Variants in STPG2 observed in about 807,000 individuals in gnomAD.
The protein encoded by STPG2 is sperm-tail PG-rich repeat-containing protein 2.
STPG2 carries 56 observed loss-of-function variants against 54.2 expected under a neutral mutation model. That is an observed-to-expected ratio of 1.03 (90% CI 0.83 to 1.29). STPG2 has a LOEUF of 1.29. STPG2 is among the 50% of genes most tolerant of loss of function. The probability of loss-of-function intolerance (pLI) is 0.00; values close to 1 mark genes in which losing one functional copy is unlikely to be tolerated. For synonymous variants in STPG2, 200 were observed against 181.8 expected, an observed-to-expected ratio of 1.10 and a Z score of -0.81; for missense variants, 596 against 544.9, an observed-to-expected ratio of 1.09 and a Z score of -0.93.
At chr4:97,691,754 C>G (rs1246810433) in intron 10 of STPG2, among the ~76,000 whole-genome samples, 1 of 152,110 alleles carries the variant, frequency 6.6e-6, no homozygotes, top group Non-Finnish European at 1.5e-5. Flanking sequence ...AAAACCAGTC[C>G]ACGTAACAAG....
chr4:97,924,645 A>T (rs1040097100), intron 8 of STPG2, among the ~76,000 whole-genome samples: 1 of 152,220 alleles, frequency 6.6e-6, no homozygotes, highest in Non-Finnish European at 1.5e-5. Context: ...ACTCTTCATG[A>T]ATATGTTCAT....
intron 9 of STPG2, among the ~76,000 whole-genome samples, chr4:97,752,471 T>G (rs1725607133): frequency 6.6e-6 from 1 of 151,784 alleles, no homozygotes; most frequent in African/African-American, 2.4e-5. Context: ...TTCACTTTAA[T>G]CTACCCTGTA....
At chr4:97,709,181 C>G (rs1724037922) in intron 10 of STPG2, among the ~76,000 whole-genome samples, 1 of 151,640 alleles carries the variant, frequency 6.6e-6, no homozygotes, top group South Asian at 2.1e-4. Context: ...ACATATGCAT[C>G]AATTTCTAGT....
chr4:98,098,612 A>G (rs1331251469), intron 5 of STPG2, among the ~76,000 whole-genome samples: 1 of 152,194 alleles, frequency 6.6e-6, no homozygotes, highest in Non-Finnish European at 1.5e-5. Context: ...CAAAGCAAAA[A>G]TGGACAAATG....
chr4:97,901,284 C>T (rs1010405972), intron 8 of STPG2, among the ~76,000 whole-genome samples: 1 of 151,692 alleles, frequency 6.6e-6, no homozygotes, highest in Non-Finnish European at 1.5e-5. Context: ...AGGAACAAGA[C>T]AAAGATGCCC....
chr4:98,035,863 G>T (rs1408218691), intron 5 of STPG2, among the ~76,000 whole-genome samples: 1 of 151,974 alleles, frequency 6.6e-6, no homozygotes, highest in Non-Finnish European at 1.5e-5. Context: ...ATCAAACACT[G>T]CATGTTCTCA....
intron 9 of STPG2, among the ~76,000 whole-genome samples, chr4:97,812,419 A>G (rs1727768605): frequency 6.6e-6 from 1 of 152,132 alleles, no homozygotes; most frequent in East Asian, 1.9e-4. Flanking sequence ...TCACATTTAT[A>G]ACCTGTTCCA....
intron 4 of STPG2, among the ~76,000 whole-genome samples, chr4:97,545,394 T>C (rs1731812990): frequency 6.6e-6 from 1 of 152,258 alleles, no homozygotes; most frequent in Admixed American, 6.5e-5. Context: ...CCAGGAGCTT[T>C]TCACTTTAAG....
At chr4:97,533,579 C>T (rs139700553) in intron 4 of STPG2, among the ~76,000 whole-genome samples, 3 of 152,192 alleles carry the variant, frequency 2.0e-5, no homozygotes, top group Non-Finnish European at 2.9e-5. Context: ...GCAGTCTGTT[C>T]GTCTTGCCTG....
At chr4:97,651,502 A>G (rs1722066931) in intron 10 of STPG2, among the ~76,000 whole-genome samples, 1 of 152,080 alleles carries the variant, frequency 6.6e-6, no homozygotes, top group Admixed American at 6.6e-5. Flanking sequence ...AATATCATCA[A>G]GGTAGAATTT....
chr4:97,567,227 C>A (rs1255081618), intron 10 of STPG2, among the ~76,000 whole-genome samples: 6 of 151,006 alleles, frequency 4.0e-5, no homozygotes, highest in Non-Finnish European at 8.9e-5. Flanking sequence ...CACACACACC[C>A]TTTAAATTAC....
At chr4:98,038,556 CA>C (rs920698080) in intron 5 of STPG2, among the ~76,000 whole-genome samples, 7 of 150,116 alleles carry the variant, frequency 4.7e-5, no homozygotes, top group South Asian at 4.2e-4. Context: ...CCCATGCACA[CA>C]AAAAAAAGTG....
chr4:97,898,988 A>G (rs927850203), intron 8 of STPG2, among the ~76,000 whole-genome samples: 1 of 151,794 alleles, frequency 6.6e-6, no homozygotes, highest in African/African-American at 2.4e-5. Context: ...AGGCAAGAGA[A>G]AAAAATAAAG....
chr4:97,847,849 A>G (rs1313212369), intron 8 of STPG2, among the ~76,000 whole-genome samples: 3 of 152,158 alleles, frequency 2.0e-5, no homozygotes, highest in Non-Finnish European at 4.4e-5. Context: ...TTTCTCTCGC[A>G]TATCTAAAAA....
At chr4:97,441,404 C>T (rs1322682701) in intron 4 of STPG2, 1 of 151,810 alleles carries the variant, frequency 6.6e-6, no homozygotes, top group East Asian at 1.9e-4. Flanking sequence ...TATTTTTTAT[C>T]TCTAGATGTT....
chr4:97,685,164 C>T (rs1375016093), intron 10 of STPG2, among the ~76,000 whole-genome samples: 2 of 151,948 alleles, frequency 1.3e-5, no homozygotes, highest in Non-Finnish European at 2.9e-5. Context: ...AATCTGGCAG[C>T]GTCTTATGAA....
chr4:97,872,128 ATAAT>A (rs1339605892), intron 8 of STPG2, among the ~76,000 whole-genome samples: 2 of 151,160 alleles, frequency 1.3e-5, no homozygotes, highest in Admixed American at 1.3e-4. Flanking sequence ...TAAAATGAGA[ATAAT>A]AAAATACTTT....
At chr4:98,113,002 G>T (rs1477434364) in intron 3 of STPG2, among the ~76,000 whole-genome samples, 1 of 130,272 alleles carries the variant, frequency 7.7e-6, no homozygotes, top group Admixed American at 7.8e-5. Context: ...TTTTGAGTGT[G>T]AAGAAACTAT....
intron 3 of STPG2, among the ~76,000 whole-genome samples, chr4:98,115,577 G>C (rs1739493781): frequency 6.6e-6 from 1 of 151,886 alleles, no homozygotes. Flanking sequence ...TGATTCACCA[G>C]TTAAGAAAGA....
Sources: allele counts gnomAD v4.1 joint callset (sites outside exome capture counted in the v4.1 genomes callset), GRCh38; gene constraint gnomAD v4.1.1; transcripts MANE v1.5; gene names NCBI Gene and HGNC (gene_info 2026-07-23, HGNC 2026-07-21).